FAM13A: variants seen among roughly 807,000 people sequenced by gnomAD.
FAM13A encodes the protein protein FAM13A.
A neutral mutation model predicts 129.6 loss-of-function variants in FAM13A; 76 were observed. The observed-to-expected ratio is 0.59, with a 90% CI of 0.49 to 0.71. The LOEUF (loss-of-function observed/expected upper bound fraction) is 0.71, where lower values mean the gene tolerates loss of function less well. Among genes scored for constraint, FAM13A ranks in the 30% least tolerant of loss-of-function variants. The pLI is 0.00. For missense variants in FAM13A, 1,108 were observed against 1,249.3 expected, an observed-to-expected ratio of 0.89 and a Z score of 1.70; for synonymous variants, 443 against 449.9, an observed-to-expected ratio of 0.98 and a Z score of 0.20.
At chr4:88,813,803 T>C (rs181785479) in intron 7 of FAM13A, among the ~76,000 whole-genome samples, 39 of 152,290 alleles carry the variant, frequency 2.6e-4, no homozygotes, top group Non-Finnish European at 4.3e-4. Flanking sequence ...TTTAGGATGA[T>C]GAGCAGCAAC....
intron 6 of FAM13A, among the ~76,000 whole-genome samples, chr4:88,889,409 T>C (rs529657296): frequency 7.2e-5 from 11 of 152,220 alleles, no homozygotes; most frequent in Non-Finnish European, 1.2e-4. Flanking sequence ...TCTGGTCTTG[T>C]AAGCTGGTTG....
intron 6 of FAM13A, among the ~76,000 whole-genome samples, chr4:88,857,607 C>T (rs1738746883): frequency 8.8e-6 from 1 of 113,708 alleles, no homozygotes; most frequent in Admixed American, 1.2e-4. Flanking sequence ...CCAGCCTGGG[C>T]AACAGAGCAA....
In FAM13A at chr4:88,950,341, T is replaced by C. The variant is rs1006199804; in HGVS notation, c.606-12100A>G. ...TCAGCCTCCTGAGTAGCTGGGACTA[T>C]AGGTGTGCACGGCTGTACCCAGCTA... On this transcript the variant is annotated intron_variant, in intron 4 of 23. Coordinates refer to ENST00000264344, the MANE Select transcript of FAM13A (RefSeq NM_014883.4). Among the ~76,000 whole-genome samples, 9 of 151,958 alleles carry C rather than the reference T, an allele frequency of 5.9e-5. 1 individual carries two copies. Among genetic ancestry groups the C allele is most frequent in the African/African-American group, 2.2e-4 (9 of 41,364 alleles).
At chr4:88,867,680 T>C (rs1283389475) in intron 6 of FAM13A, among the ~76,000 whole-genome samples, 1 of 152,204 alleles carries the variant, frequency 6.6e-6, no homozygotes, top group Non-Finnish European at 1.5e-5. Context: ...AACATAGATC[T>C]ATCTTAAAAA....
intron 7 of FAM13A, among the ~76,000 whole-genome samples, chr4:88,849,824 AG>A (rs1737251500): frequency 6.6e-6 from 1 of 152,246 alleles, no homozygotes; most frequent in Non-Finnish European, 1.5e-5. Flanking sequence ...TACATGAACC[AG>A]GCATTCAAGG....
At chr4:88,983,576 A>C (rs1330811094) in intron 4 of FAM13A, among the ~76,000 whole-genome samples, 1 of 152,202 alleles carries the variant, frequency 6.6e-6, no homozygotes, top group Non-Finnish European at 1.5e-5. Context: ...AAGATACTTG[A>C]TAATAGATTT....
At position 88,747,817 on chromosome 4, in the gene FAM13A, A is replaced by G; in HGVS notation, c.2196T>C (p.Thr732=). The stretch of plus-strand genomic sequence containing the variant: ...TGTTGCTTCGCTGCCGCATCCTGGG[A>G]GTTAGGTCCTCTTCAGATATCTTTA... ...SKLKISEEDL[T]PRMRQRSNTL... The change falls in exon 18 of 24, where the codon ACT becomes ACC. Residue 732 remains threonine (T), a synonymous_variant. Coordinates refer to ENST00000264344, the MANE Select transcript of FAM13A (RefSeq NM_014883.4). The G allele has an allele frequency of 6.2e-7, 1 of 1,613,860 alleles. No individual in the cohort carries two copies. Among genetic ancestry groups the G allele is most frequent in the Non-Finnish European group, 8.5e-7 (1 of 1,179,818 alleles).
intron 4 of FAM13A, among the ~76,000 whole-genome samples, chr4:88,941,621 G>A (rs1444978015): frequency 6.6e-6 from 1 of 152,186 alleles, no homozygotes; most frequent in Non-Finnish European, 1.5e-5. Flanking sequence ...GGTTACTGAT[G>A]TCTCTGAGAC....
chr4:88,819,728 G>A (rs1731510609), intron 7 of FAM13A, among the ~76,000 whole-genome samples: 1 of 152,040 alleles, frequency 6.6e-6, no homozygotes, highest in Non-Finnish European at 1.5e-5. Flanking sequence ...TTTTCTCAAG[G>A]AACTTTTTCC....
chr4:88,771,037 T>C (rs1720571026), intron 11 of FAM13A, among the ~76,000 whole-genome samples: 2 of 152,194 alleles, frequency 1.3e-5, no homozygotes, highest in African/African-American at 4.8e-5. Context: ...ATATTCATTG[T>C]CTGGTTTCAC....
intron 8 of FAM13A, among the ~76,000 whole-genome samples, chr4:88,798,336 C>T (rs1726666189): frequency 6.6e-6 from 1 of 152,080 alleles, no homozygotes; most frequent in South Asian, 2.1e-4. Context: ...ACTGAGCATC[C>T]CAGGAGAAGA....
chr4:88,748,974 G>A lies in FAM13A; in HGVS notation c.2139C>T (p.Ala713=). ...PEVLKWTNDL[A]KFRRQLKESK... is the part of the protein sequence containing the mutation. ...CACCTTTAAGTTGTCTCCGGAATTT[G>A]GCAAGGTCATTTGTCCATTTCAGAA... is the stretch of plus-strand genomic sequence containing the variant. Residue 713 remains alanine (A), a synonymous_variant, in exon 17 of 24, where the codon GCC becomes GCT. Coordinates refer to ENST00000264344, the MANE Select transcript of FAM13A (RefSeq NM_014883.4). The A allele has an allele frequency of 6.2e-7, 1 of 1,613,758 alleles. No homozygotes were observed. Among genetic ancestry groups the A allele is most frequent in the Non-Finnish European group, 8.5e-7 (1 of 1,179,670 alleles).
intron 11 of FAM13A, among the ~76,000 whole-genome samples, chr4:88,769,318 C>G (rs982748118): frequency 6.6e-6 from 1 of 152,146 alleles, no homozygotes; most frequent in Non-Finnish European, 1.5e-5. Flanking sequence ...CTCAGTTTGA[C>G]ACCCTGGGCT....
At chr4:88,862,159 G>C (rs532445431) in intron 6 of FAM13A, among the ~76,000 whole-genome samples, 1 of 152,294 alleles carries the variant, frequency 6.6e-6, no homozygotes, top group African/African-American at 2.4e-5. Flanking sequence ...TCATGTAATT[G>C]CATGCATATA....
chr4:88,927,368 TAGATATA>T (rs201582140), intron 5 of FAM13A, among the ~76,000 whole-genome samples: 1,660 of 152,004 alleles, frequency 0.011, 35 homozygotes, highest in African/African-American at 0.037. Context: ...TAGGGATTTC[TAGATATA>T]AGATTGTATA....
chr4:88,771,786 A>C (rs1416651539), intron 11 of FAM13A, among the ~76,000 whole-genome samples: 2 of 152,202 alleles, frequency 1.3e-5, no homozygotes, highest in African/African-American at 4.8e-5. Context: ...GACTCATATA[A>C]GTCCTATCAA....
At chr4:89,027,588 C>A (rs888243465) in intron 2 of FAM13A, among the ~76,000 whole-genome samples, 2 of 151,676 alleles carry the variant, frequency 1.3e-5, no homozygotes, top group Non-Finnish European at 2.9e-5. Flanking sequence ...CCTCAGCATA[C>A]AATTTTTTTT....
chr4:88,747,959 G>A (rs7658690), intron 17 of FAM13A, 108 bp from the exon 18 acceptor site: 254,213 of 729,672 alleles, frequency 0.35, 51,207 homozygotes, highest in African/African-American at 0.68. Context: ...GCACGATCTC[G>A]GCTCACTGCA....
intron 6 of FAM13A, among the ~76,000 whole-genome samples, chr4:88,870,292 G>T (rs1347237470): frequency 8.5e-5 from 13 of 152,204 alleles, no homozygotes; most frequent in Admixed American, 8.5e-4. Context: ...TGGACAGTGG[G>T]TGCAGCCCAC....
Sources: gnomAD v4.1 joint callset for allele counts (sites outside exome capture counted in the v4.1 genomes callset) on GRCh38, gnomAD v4.1.1 for gene constraint, MANE v1.5 for transcripts, NCBI Gene and HGNC (gene_info 2026-07-23, HGNC 2026-07-21) for gene names.